GLYAT: variants seen among roughly 807,000 people sequenced by gnomAD.
GLYAT encodes the protein glycine-N-acyltransferase.
In GLYAT, 25 loss-of-function variants were observed where a neutral mutation model predicts 22.8. The ratio of observed to expected loss-of-function variants is 1.09; its 90% CI spans 0.80 to 1.53. The LOEUF (loss-of-function observed/expected upper bound fraction) is 1.53. Among genes scored for constraint, GLYAT ranks in the 40% most tolerant of loss-of-function variants. The pLI, the probability that GLYAT is intolerant of heterozygous loss-of-function variation, is 0.00. For synonymous variants in GLYAT, 140 were observed against 122.7 expected (o/e 1.14, Z -0.93); for missense variants, 411 against 353.9 (o/e 1.16, Z -1.29).
At chr11:58,723,036 C>T (rs1162681021) in intron 2 of GLYAT, among the ~76,000 whole-genome samples, 1 of 151,826 alleles carries the variant, frequency 6.6e-6, no homozygotes, top group Non-Finnish European at 1.5e-5. Flanking sequence ...TAGAGGGGTC[C>T]CAAGAAGGAA....
At chr11:58,719,103 G>T (rs1006294328) in intron 2 of GLYAT, among the ~76,000 whole-genome samples, 5 of 151,922 alleles carry the variant, frequency 3.3e-5, no homozygotes, top group African/African-American at 9.7e-5. Context: ...GTCAGAAAAA[G>T]ACATAATTTA....
intron 1 of GLYAT, among the ~76,000 whole-genome samples, chr11:58,731,047 G>T (rs532037583): frequency 6.6e-6 from 1 of 152,176 alleles, no homozygotes; most frequent in East Asian, 1.9e-4. Flanking sequence ...AAGGCAAACA[G>T]GAATAAATAA....
At chr11:58,713,679 A>G (rs1026155670) in intron 3 of GLYAT, among the ~76,000 whole-genome samples, 1 of 152,148 alleles carries the variant, frequency 6.6e-6, no homozygotes, top group Admixed American at 6.6e-5. Flanking sequence ...ACAATTATTT[A>G]CAGGAAGAAG....
At chr11:58,715,833 C>A (rs1443454529) in intron 2 of GLYAT, among the ~76,000 whole-genome samples, 3 of 152,120 alleles carry the variant, frequency 2.0e-5, no homozygotes, top group Non-Finnish European at 2.9e-5. Flanking sequence ...CAGTTGATGA[C>A]ATCTCAGCTG....
At chr11:58,714,127 G>C (rs1182488288) in intron 3 of GLYAT, among the ~76,000 whole-genome samples, 1 of 152,086 alleles carries the variant, frequency 6.6e-6, no homozygotes, top group Non-Finnish European at 1.5e-5. Flanking sequence ...TAGAAGTAGA[G>C]AGTAGAATGG....
chr11:58,715,095 T>A (rs1856663168), intron 3 of GLYAT, among the ~76,000 whole-genome samples: 1 of 152,110 alleles, frequency 6.6e-6, no homozygotes, highest in Non-Finnish European at 1.5e-5. Flanking sequence ...CAAGTTTTAT[T>A]TGGCCTCTTT....
chr11:58,726,389 G>A (rs1335229347), intron 1 of GLYAT, among the ~76,000 whole-genome samples: 1 of 152,078 alleles, frequency 6.6e-6, no homozygotes, highest in Non-Finnish European at 1.5e-5. Context: ...AGCTGTCAGG[G>A]CAGTAGTAGC....
At chr11:58,714,222 A>G (rs1856651515) in intron 3 of GLYAT, among the ~76,000 whole-genome samples, 1 of 152,180 alleles carries the variant, frequency 6.6e-6, no homozygotes, top group Admixed American at 6.5e-5. Context: ...TATAATAGTT[A>G]TAATAGGAGG....
At chr11:58,727,806 A>G (rs1488380746) in intron 1 of GLYAT, among the ~76,000 whole-genome samples, 2 of 152,182 alleles carry the variant, frequency 1.3e-5, no homozygotes, top group African/African-American at 2.4e-5. Flanking sequence ...TTAAGTGAGC[A>G]TGCATACAAT....
chr11:58,728,898 G>A (rs1159704046), intron 1 of GLYAT, among the ~76,000 whole-genome samples: 2 of 96,322 alleles, frequency 2.1e-5, no homozygotes, highest in Admixed American at 1.1e-4. Context: ...AAGAAGGAAG[G>A]AAGGAAGGAA....
chr11:58,712,425 A>C (rs992561878), intron 4 of GLYAT, among the ~76,000 whole-genome samples: 4 of 152,146 alleles, frequency 2.6e-5, no homozygotes, highest in Non-Finnish European at 5.9e-5. Context: ...TCTATGGCCA[A>C]ATAAGCTATC....
At chr11:58,723,583 G>A (rs979270827) in intron 2 of GLYAT, among the ~76,000 whole-genome samples, 3 of 151,934 alleles carry the variant, frequency 2.0e-5, no homozygotes, top group African/African-American at 7.2e-5. Flanking sequence ...GCACTATATA[G>A]GAATGTCTTC....
At chr11:58,714,584 T>C (rs1339687788) in intron 3 of GLYAT, among the ~76,000 whole-genome samples, 1 of 152,138 alleles carries the variant, frequency 6.6e-6, no homozygotes, top group Non-Finnish European at 1.5e-5. Context: ...CCACGTGTAA[T>C]GAGAGGGACC....
At chr11:58,715,036 G>A (rs1017033579) in intron 3 of GLYAT, among the ~76,000 whole-genome samples, 2 of 151,990 alleles carry the variant, frequency 1.3e-5, no homozygotes, top group South Asian at 2.1e-4. Context: ...CCACCAAGAA[G>A]TATACTGAAC....
chr11:58,712,562 C>A lies in GLYAT; in HGVS notation c.316+198G>T, dbSNP rs1419862127. ...GGTACCAAGGAATTATACTATAGTTCCCTTTATGAAGCCCATTCTTTGCAA... is the reference window on the plus strand; with the variant it reads ...GGTACCAAGGAATTATACTATAGTTACCTTTATGAAGCCCATTCTTTGCAA... On this transcript the variant is annotated intron_variant, in intron 4 of 5. Coordinates refer to ENST00000344743, the MANE Select transcript of GLYAT (RefSeq NM_201648.3). 3.3e-5 allele frequency among the ~76,000 whole-genome samples: 5 copies of A among 152,248 alleles called. No homozygotes were observed. The East Asian group carries it at 9.6e-4, about 29-fold the overall frequency.
chr11:58,720,193 C>T (rs983258327), intron 2 of GLYAT, among the ~76,000 whole-genome samples: 12 of 151,840 alleles, frequency 7.9e-5, no homozygotes, highest in Non-Finnish European at 1.6e-4. Context: ...TTAAAAAACA[C>T]ACACACAGTT....
chr11:58,719,665 C>T (rs1468355319), intron 2 of GLYAT, among the ~76,000 whole-genome samples: 1 of 151,818 alleles, frequency 6.6e-6, no homozygotes, highest in Non-Finnish European at 1.5e-5. Context: ...TTCTACAGGG[C>T]CTGAAGATGA....
chr11:58,710,611 T>C lies in GLYAT; in HGVS notation c.467A>G (p.Asn156Ser), dbSNP rs675815. The change falls in exon 5 of 6, where the codon AAT becomes AGT. Residue 156 changes from asparagine to serine, a missense_variant. Asn to Ser is a conservative substitution (Grantham distance 46). Transcript: ENST00000344743. ...TCACATGGCCTTGGGTTTGCCACCATTGGGAGATAAAATCTTTGATTTCAG... is the reference window on the plus strand; with the variant it reads ...TCACATGGCCTTGGGTTTGCCACCACTGGGAGATAAAATCTTTGATTTCAG... ...FLLKSKILSP[N>S]GGKPKAINQE... 0.97 allele frequency: 1,556,852 copies of C among 1,605,704 alleles called. 755,932 individuals carry two copies. Among genetic ancestry groups the C allele is most frequent in the African/African-American group, 1 (74,626 of 74,922 alleles).
chr11:58,727,598 G>A (rs1415599104), intron 1 of GLYAT, among the ~76,000 whole-genome samples: 1 of 152,026 alleles, frequency 6.6e-6, no homozygotes, highest in African/African-American at 2.4e-5. Flanking sequence ...AGACCCGAAG[G>A]TCCTTCCCAC....
Sources: gnomAD v4.1 joint callset for allele counts (sites outside exome capture counted in the v4.1 genomes callset) on GRCh38, gnomAD v4.1.1 for gene constraint, MANE v1.5 for transcripts, NCBI Gene and HGNC (gene_info 2026-07-23, HGNC 2026-07-21) for gene names.